The following ACCS variants were observed in gnomAD, a reference collection of about 807,000 sequenced individuals.
The protein encoded by ACCS is 1-aminocyclopropane-1-carboxylate synthase-like protein 1.
ACCS carries 42 observed loss-of-function variants against 59.8 expected under a neutral mutation model. The ratio of observed to expected loss-of-function variants is 0.70; its 90% CI spans 0.55 to 0.91. The LOEUF (loss-of-function observed/expected upper bound fraction) is 0.91, where lower values mean the gene tolerates loss of function less well. Ranked by LOEUF, ACCS falls within the 40% of genes least tolerant of loss-of-function variation. The pLI, the probability that ACCS is intolerant of heterozygous loss-of-function variation, is 0.00. For synonymous variants in ACCS, 230 were observed against 240.3 expected (o/e 0.96, Z 0.40); for missense variants, 602 against 630.4 (o/e 0.95, Z 0.48).
At chr11:44,068,178 G>A (rs771080368) in intron 2 of ACCS, among the ~76,000 whole-genome samples, 1 of 152,166 alleles carries the variant, frequency 6.6e-6, no homozygotes, top group African/African-American at 2.4e-5. Context: ...TCTGACCCAC[G>A]ACCTGTCGAC....
chr11:44,082,470 G>C (rs138107139), intron 12 of ACCS, among the ~76,000 whole-genome samples: 31 of 152,298 alleles, frequency 2.0e-4, no homozygotes, highest in African/African-American at 7.5e-4. Context: ...GGCAGTATGG[G>C]ATAATTTCAA....
intron 8 of ACCS, chr11:44,078,399 C>G (rs1379052169): frequency 2.5e-6 from 1 of 400,418 alleles, no homozygotes; most frequent in East Asian, 4.2e-5. Context: ...GAAAGCTATA[C>G]ATACTCACTG....
chr11:44,078,379 C>T (rs1464702134), intron 8 of ACCS: 4 of 307,816 alleles, frequency 1.3e-5, no homozygotes, highest in African/African-American at 2.1e-5. Context: ...TTTTTTTTTA[C>T]TTCTGTCATG....
chr11:44,069,561 T>C, intron 2 of ACCS, among the ~76,000 whole-genome samples: 1 of 152,180 alleles, frequency 6.6e-6, no homozygotes, highest in Non-Finnish European at 1.5e-5. Flanking sequence ...CCTCAAGATC[T>C]TTTGTGAAGG....
In ACCS at chr11:44,066,703, T is replaced by G. The variant is rs1590444229; in HGVS notation, c.-1+2T>G. 1 of 152,118 alleles carries G rather than the reference T, an allele frequency of 6.6e-6. No individual in the cohort carries two copies. Among genetic ancestry groups the G allele is most frequent in the Admixed American group, 6.6e-5 (1 of 15,266 alleles). The allele number at this position is 152,118 out of a possible 1,614,324, so 9.4% of individuals were successfully genotyped here. ...CCTGGGCTGTCGGGAGAGCTGGAGG[T>G]GAGCGCTCTTGGGAGAGCCCAGCCA... On this transcript the variant is annotated splice_donor_variant, in intron 1 of 14. Coordinates refer to ENST00000263776, the MANE Select transcript of ACCS (RefSeq NM_032592.4). LOFTEE classifies it low-confidence loss of function (5UTR_SPLICE).
intron 7 of ACCS, 114 bp from the exon 8 acceptor site, chr11:44,077,731 A>C: frequency 6.8e-7 from 1 of 1,476,900 alleles, no homozygotes. Flanking sequence ...TTTTCCAGAG[A>C]CTCTTCTGAG....
At position 44,079,565 on chromosome 11, in the gene ACCS, A is replaced by G. The variant is rs753531831; in HGVS notation, c.868A>G (p.Met290Val). 1.2e-6 allele frequency: 2 copies of G among 1,612,282 alleles called. No individual in the cohort carries two copies. Among genetic ancestry groups the G allele is most frequent in the African/African-American group, 1.3e-5 (1 of 74,986 alleles). The change falls in exon 10 of 15, where the codon ATG (methionine) becomes GTG (valine). Residue 290 changes from methionine to valine, a missense_variant. Coordinates refer to ENST00000263776, the MANE Select transcript of ACCS (RefSeq NM_032592.4). ...GCATGTGATTGTGGATGAGGTCTAC[A>G]TGCTGTCCGTGTTTGAGAAGTCTGT... ...RLHVIVDEVY[M>V]LSVFEKSVGY...
At chr11:44,074,944 C>T (rs1035770003) in intron 5 of ACCS, among the ~76,000 whole-genome samples, 1 of 151,484 alleles carries the variant, frequency 6.6e-6, no homozygotes, top group Admixed American at 6.6e-5. Flanking sequence ...CTTGCCTCAG[C>T]CTCCCGAGTA....
chr11:44,077,297 C>T lies in ACCS; in HGVS notation c.575C>T (p.Thr192Ile), dbSNP rs769199350. 20 of 1,614,014 alleles carry T rather than the reference C, an allele frequency of 1.2e-5. No individual in the cohort carries two copies. The highest frequency in any genetic ancestry group is 1.7e-5 in the Non-Finnish European group (20 of 1,179,996). The change falls in exon 7 of 15, where the codon ACC becomes ATC. Residue 192 changes from threonine (T) to isoleucine (I), a missense_variant. Physicochemically the swap from Thr to Ile is moderately conservative, Grantham distance 89 (BLOSUM62 -1). Coordinates refer to ENST00000263776, the MANE Select transcript of ACCS (RefSeq NM_032592.4). ...CCCCCAGAGGCTTTCCTGATCCCCA[C>T]CCCTTACTATGGCGCTATCACACAG... ...CEAGEAFLIPTPYYGAITQHV... is the reference protein window; with the variant it reads ...CEAGEAFLIPIPYYGAITQHV...
rs1953446184 is a variant in ACCS, at chr11:44,077,787, ATTT to A, written c.655-56_655-54del. ...AGGAGAGGCCTGAGAGTTCATATGT[ATTT>A]TGGGGGGCAATGGTCACTGAATGTG... is the stretch of plus-strand genomic sequence containing the variant. On this transcript the variant is annotated intron_variant, in intron 7 of 14. Coordinates refer to ENST00000263776, the MANE Select transcript of ACCS (RefSeq NM_032592.4). 2.5e-6 allele frequency: 4 copies of A among 1,593,648 alleles called. No homozygotes were observed. In the East Asian group the frequency reaches 9.0e-5, roughly 36 times the overall value.
At chr11:44,070,403 G>A (rs373952162) in intron 2 of ACCS, among the ~76,000 whole-genome samples, 2 of 152,294 alleles carry the variant, frequency 1.3e-5, no homozygotes, top group African/African-American at 4.8e-5. Context: ...TGAAGGTAGA[G>A]CTGCCAGGAT....
In ACCS at chr11:44,071,207, T is replaced by A. The variant is rs753988064; in HGVS notation, c.289-49T>A. 2.5e-6 allele frequency: 4 copies of A among 1,608,548 alleles called. No individual in the cohort carries two copies. In the South Asian group the frequency reaches 4.4e-5, roughly 18 times the overall value. On this transcript the variant is annotated intron_variant, in intron 2 of 14. Transcript: ENST00000263776. Reference sequence around the variant, plus strand: ...TCCATGGGCTCCTGGGGCCTTTCACTGGCACCCCCCTGCCATGCTAACTCT... The same window carrying A: ...TCCATGGGCTCCTGGGGCCTTTCACAGGCACCCCCCTGCCATGCTAACTCT...
chr11:44,077,692 T>C (rs1953439375), intron 7 of ACCS, 153 bp from the exon 8 acceptor site: 1 of 1,454,578 alleles, frequency 6.9e-7, no homozygotes, highest in Non-Finnish European at 9.1e-7. Flanking sequence ...TGGGGGTGGA[T>C]GGCAGTAAGA....
At position 44,073,456 on chromosome 11, in the gene ACCS, C is replaced by T. The variant is rs752817160; in HGVS notation, c.358C>T (p.Arg120Cys). ...CCCTCTCTGTCCCCAGCTGAGTCAG[C>T]GCGACATGCAGAGGGTGGAGCCATC... ...FDLLSWRLSQ[R>C]DMQRVEPSLL... The change falls in exon 4 of 15, where the codon CGC becomes TGC. Residue 120 changes from arginine (R) to cysteine (C), a missense_variant. Arg to Cys is a radical substitution (Grantham distance 180, BLOSUM62 -3). Coordinates refer to ENST00000263776, the MANE Select transcript of ACCS (RefSeq NM_032592.4). 2.9e-5 allele frequency: 46 copies of T among 1,606,708 alleles called. No homozygotes were observed. The highest frequency in any genetic ancestry group is 4.0e-5 in the African/African-American group (3 of 74,770).
At chr11:44,074,762 TTC>T in intron 5 of ACCS, 81 bp downstream of exon 5, 26 of 505,254 alleles carry the variant, frequency 5.1e-5, no homozygotes, top group Non-Finnish European at 6.9e-5. Flanking sequence ...CTTTCTTTCT[TTC>T]TTTCTTTCTT....
At chr11:44,069,284 A>G (rs1952936395) in intron 2 of ACCS, among the ~76,000 whole-genome samples, 1 of 151,480 alleles carries the variant, frequency 6.6e-6, no homozygotes, top group Admixed American at 6.6e-5. Context: ...CAGTGGCATG[A>G]TCTCGGATCA....
intron 10 of ACCS, among the ~76,000 whole-genome samples, chr11:44,080,119 C>G (rs1005760384): frequency 6.6e-6 from 1 of 152,174 alleles, no homozygotes; most frequent in Non-Finnish European, 1.5e-5. Flanking sequence ...GCACACTGGC[C>G]CATGCCTGTA....
At chr11:44,069,512 T>C (rs178517) in intron 2 of ACCS, among the ~76,000 whole-genome samples, 97,300 of 152,152 alleles carry the variant, frequency 0.64, 31,986 homozygotes, top group African/African-American at 0.8. Flanking sequence ...CCACCGCGCC[T>C]GGCCAAGCCA....
At chr11:44,078,005 T>G in intron 8 of ACCS, 83 bp downstream of exon 8, 2 of 1,493,924 alleles carry the variant, frequency 1.3e-6, no homozygotes, top group Non-Finnish European at 9.0e-7. Flanking sequence ...ACTGATCTCC[T>G]CCCGGGAGTA....
Sources: gnomAD v4.1 joint callset for allele counts (sites outside exome capture counted in the v4.1 genomes callset) on GRCh38, gnomAD v4.1.1 for gene constraint, MANE v1.5 for transcripts, NCBI Gene and HGNC (gene_info 2026-07-23, HGNC 2026-07-21) for gene names.